Variants in CDH12 observed in about 807,000 individuals in gnomAD.
The protein encoded by CDH12 is cadherin-12.
Under a neutral mutation model 74.1 loss-of-function variants are expected in CDH12, and 41 were observed. That is an observed-to-expected ratio of 0.55 (90% CI 0.43 to 0.72). The LOEUF (loss-of-function observed/expected upper bound fraction) is 0.72, where lower values mean the gene tolerates loss of function less well. CDH12 is among the 30% of genes least tolerant of loss of function. CDH12 has a pLI of 0.00. For synonymous variants in CDH12, 399 were observed against 355.0 expected, an observed-to-expected ratio of 1.12 and a Z score of -1.39; for missense variants, 945 against 977.2, an observed-to-expected ratio of 0.97 and a Z score of 0.44.
chr5:21,825,363 C>G (rs536555650), intron 8 of CDH12, among the ~76,000 whole-genome samples: 1 of 152,108 alleles, frequency 6.6e-6, no homozygotes, highest in African/African-American at 2.4e-5. Context: ...TTGAAGTGTC[C>G]TTCATCTCCA....
At chr5:22,122,371 C>A (rs938615498) in intron 4 of CDH12, among the ~76,000 whole-genome samples, 2 of 152,140 alleles carry the variant, frequency 1.3e-5, no homozygotes, top group African/African-American at 4.8e-5. Flanking sequence ...CTGCTGCACT[C>A]CAGCCTGGGC....
intron 5 of CDH12, among the ~76,000 whole-genome samples, chr5:22,061,624 T>C (rs897915399): frequency 6.6e-6 from 1 of 152,248 alleles, no homozygotes; most frequent in Admixed American, 6.5e-5. Context: ...TCTTATCACC[T>C]GGTATAATAT....
At chr5:22,657,758 A>G (rs1186565952) in intron 1 of CDH12, among the ~76,000 whole-genome samples, 1 of 152,216 alleles carries the variant, frequency 6.6e-6, no homozygotes, top group Non-Finnish European at 1.5e-5. Context: ...ATTTAAAATG[A>G]GGCGGAAAGA....
At chr5:22,336,422 C>T (rs776196906) in intron 3 of CDH12, among the ~76,000 whole-genome samples, 1 of 152,308 alleles carries the variant, frequency 6.6e-6, no homozygotes, top group South Asian at 2.1e-4. Context: ...TGTTAGAGGT[C>T]TTCACAGCAG....
In CDH12 at chr5:22,129,688, G is replaced by GT. The variant is rs539204117; in HGVS notation, c.-186-50827dup. 2.8e-4 allele frequency among the ~76,000 whole-genome samples: 43 copies of GT among 151,506 alleles called. 1 individual carries two copies. The South Asian group carries it at 6.9e-3, about 24-fold the overall frequency. On this transcript the variant is annotated intron_variant, in intron 4 of 14. Coordinates refer to ENST00000382254, the MANE Select transcript of CDH12 (RefSeq NM_004061.5). ...GTGCTCCAGCTTTACGTGTTTAATC[G>GT]TTTTTTTTCATTCGAAATAAATTTT... is the stretch of plus-strand genomic sequence containing the variant.
In CDH12 at chr5:22,138,845, AATAT is replaced by A. The variant is rs67115449; in HGVS notation, c.-186-59987_-186-59984del. 9.1e-3 allele frequency among the ~76,000 whole-genome samples: 694 copies of A among 76,570 alleles called. 36 individuals carry two copies. Among genetic ancestry groups the A allele is most frequent in the African/African-American group, 0.016 (366 of 22,612 alleles). 50.2% of individuals were successfully genotyped at this position (76,570 alleles called of 152,430 possible). ...AATATATATGTGTACATATATACGT[AATAT>A]ATATATATATATATATATATATATA... On this transcript the variant is annotated intron_variant, in intron 4 of 14. Transcript: ENST00000382254.
intron 1 of CDH12, among the ~76,000 whole-genome samples, chr5:22,787,363 C>T (rs1293060630): frequency 6.6e-6 from 1 of 152,118 alleles, no homozygotes; most frequent in Non-Finnish European, 1.5e-5. Context: ...TAATGTGACT[C>T]TATTCCAATT....
At chr5:21,842,426 C>T in intron 7 of CDH12, 98 bp from the exon 8 acceptor site, 1 of 804,194 alleles carries the variant, frequency 1.2e-6, no homozygotes, top group East Asian at 2.8e-5. Flanking sequence ...TACCTAGAAT[C>T]ACTAACAGAG....
chr5:22,029,485 T>C (rs564970211), intron 5 of CDH12, among the ~76,000 whole-genome samples: 54 of 150,824 alleles, frequency 3.6e-4, no homozygotes, highest in Non-Finnish European at 7.5e-5. Context: ...AAGAAGACAT[T>C]TATGCAGCCA....
intron 5 of CDH12, among the ~76,000 whole-genome samples, chr5:22,061,074 A>C (rs1221064427): frequency 6.6e-6 from 1 of 152,210 alleles, no homozygotes; most frequent in African/African-American, 2.4e-5. Context: ...ATAGTTCTTG[A>C]CATTGACATA....
chr5:22,256,794 A>C (rs893494035), intron 3 of CDH12, among the ~76,000 whole-genome samples: 3 of 152,034 alleles, frequency 2.0e-5, no homozygotes, highest in Admixed American at 2.0e-4. Flanking sequence ...AAGTAAAAAC[A>C]TAAAAATAAA....
intron 1 of CDH12, among the ~76,000 whole-genome samples, chr5:22,829,310 C>T (rs535713013): frequency 6.6e-6 from 1 of 152,292 alleles, no homozygotes; most frequent in East Asian, 1.9e-4. Context: ...TTTTGACACT[C>T]TATAAATGCT....
intron 3 of CDH12, among the ~76,000 whole-genome samples, chr5:22,234,488 A>G (rs1171540998): frequency 6.6e-6 from 1 of 151,888 alleles, no homozygotes; most frequent in African/African-American, 2.4e-5. Flanking sequence ...ACCTCCCACT[A>G]TGATTCTGAG....
At chr5:22,448,681 T>A (rs532254456) in intron 2 of CDH12, among the ~76,000 whole-genome samples, 1 of 152,134 alleles carries the variant, frequency 6.6e-6, no homozygotes, top group South Asian at 2.1e-4. Flanking sequence ...AGAGCAGTTA[T>A]AAGAAAAAAG....
At chr5:21,981,221 C>T (rs927777106) in intron 5 of CDH12, among the ~76,000 whole-genome samples, 35 of 152,216 alleles carry the variant, frequency 2.3e-4, no homozygotes, top group African/African-American at 7.0e-4. Context: ...TAAAACACTA[C>T]GTGATATCTG....
chr5:21,975,209 G>A lies in CDH12; in HGVS notation c.408C>T (p.Thr136=), dbSNP rs773701288. The A allele has an allele frequency of 6.3e-7, 1 of 1,597,138 alleles. No homozygotes were observed. The highest frequency in any genetic ancestry group is 8.5e-7 in the Non-Finnish European group (1 of 1,179,532). ...TLRAQAVDIE[T]RKPLEPESEF... is the part of the protein sequence containing the mutation. The stretch of plus-strand genomic sequence containing the variant: ...CTGATTCAGGCTCCAGGGGCTTTCT[G>A]GTTTCTATGTCCACAGCCTGAGCAC... Residue 136 remains threonine (T), a synonymous_variant, in exon 6 of 15, where the codon ACC becomes ACT. Coordinates refer to ENST00000382254, the MANE Select transcript of CDH12 (RefSeq NM_004061.5).
At chr5:22,049,997 C>T (rs376985320) in intron 5 of CDH12, among the ~76,000 whole-genome samples, 13 of 152,202 alleles carry the variant, frequency 8.5e-5, no homozygotes, top group African/African-American at 3.1e-4. Context: ...AGCTCCTTTC[C>T]ATGCACAGAA....
At chr5:21,863,090 T>A (rs1561251807) in intron 6 of CDH12, among the ~76,000 whole-genome samples, 1 of 152,126 alleles carries the variant, frequency 6.6e-6, no homozygotes, top group African/African-American at 2.4e-5. Context: ...TCCCTATTTT[T>A]AAAAAATCAT....
chr5:22,752,545 CTTTTTTTT>C (rs1159388186), intron 1 of CDH12, among the ~76,000 whole-genome samples: 3 of 65,784 alleles, frequency 4.6e-5, no homozygotes, highest in South Asian at 4.4e-4. Flanking sequence ...TAGGATACTT[CTTTTTTTT>C]TTTTTTTTTT....
Sources: allele counts gnomAD v4.1 joint callset (sites outside exome capture counted in the v4.1 genomes callset), GRCh38; gene constraint gnomAD v4.1.1; transcripts MANE v1.5; gene names NCBI Gene and HGNC (gene_info 2026-07-23, HGNC 2026-07-21).